Variants in COL1A2 observed in about 807,000 individuals in gnomAD.
COL1A2 encodes collagen type I alpha 2 chain.
A neutral mutation model predicts 174.3 loss-of-function variants in COL1A2; 49 were observed. The observed-to-expected ratio is 0.28, with a 90% CI of 0.22 to 0.36. The LOEUF is 0.36. COL1A2 is among the 10% of genes least tolerant of loss of function. The probability of loss-of-function intolerance (pLI) is 1.00; values close to 1 mark genes in which losing one functional copy is unlikely to be tolerated. For missense variants in COL1A2, 1,438 were observed against 1,822.7 expected, an observed-to-expected ratio of 0.79 and a Z score of 3.84; for synonymous variants, 655 against 606.6, an observed-to-expected ratio of 1.08 and a Z score of -1.17.
rs377163988 is a variant in COL1A2, at chr7:94,428,775, A to G, written c.3711+298A>G. Among the ~76,000 whole-genome samples, 18 of 152,328 alleles carry G rather than the reference A, an allele frequency of 1.2e-4. No individual in the cohort carries two copies. The East Asian group carries it at 2.7e-3, about 23-fold the overall frequency. On this transcript the variant is annotated intron_variant, in intron 50 of 51. Transcript: ENST00000297268. ...CTATATGCCACACTCATACATATGC[A>G]TTTTCAGAATGTGAGCAGCTTTTCT...
chr7:94,395,466 C>G, intron 1 of COL1A2: 1 of 359,600 alleles, frequency 2.8e-6, no homozygotes, highest in Non-Finnish European at 5.4e-6. Flanking sequence ...GGCCCCATAA[C>G]CGCACTGATG....
At position 94,427,324 on chromosome 7, in the gene COL1A2, A is replaced by G. The variant is rs770492647; in HGVS notation, c.3267+29A>G. Reference sequence around the variant, plus strand: ...AGTATGATTTGGGGAAATAATAAAGAAGATCACGGACCTAAGGAATGTTTT... The same window carrying G: ...AGTATGATTTGGGGAAATAATAAAGGAGATCACGGACCTAAGGAATGTTTT... On this transcript the variant is annotated intron_variant, in intron 48 of 51. Coordinates refer to ENST00000297268, the MANE Select transcript of COL1A2 (RefSeq NM_000089.4). The G allele has an allele frequency of 9.6e-6, 15 of 1,563,196 alleles. No individual in the cohort carries two copies. In the South Asian group the frequency reaches 1.5e-4, roughly 16 times the overall value.
rs765748114 is a variant in COL1A2, at chr7:94,427,865, G to A, written c.3506G>A (p.Ser1169Asn). The change falls in exon 49 of 52, where the codon AGC becomes AAC. Residue 1169 changes from serine (S) to asparagine (N), a missense_variant. Physicochemically the swap from Ser to Asn is conservative, Grantham distance 46. Around this residue, in one of 3 missense-constraint regions of COL1A2, gnomAD observed 290 missense variants for 298.1 expected, o/e 0.97. Transcript: ENST00000297268. ...PARTCRDLRLSHPEWSSGYYW... is the reference protein window; with the variant it reads ...PARTCRDLRLNHPEWSSGYYW... ...CGCACATGCCGTGACTTGAGACTCA[G>A]CCACCCAGAGTGGAGCAGTGGTAGG... 2 of 1,614,140 alleles carry A rather than the reference G, an allele frequency of 1.2e-6. No individual in the cohort carries two copies. The highest frequency in any genetic ancestry group is 1.1e-5 in the South Asian group (1 of 91,084).
rs570445206 is a variant in COL1A2 at position 94,401,296 on chromosome 7, C to T, written c.226-271C>T. Among the ~76,000 whole-genome samples, 113 of 152,032 alleles carry T rather than the reference C, an allele frequency of 7.4e-4. 1 individual carries two copies. The highest frequency in any genetic ancestry group is 3.4e-3 in the Middle Eastern group (1 of 294). Reference sequence around the variant, plus strand: ...AGGTAAAAGGTGGGAGTGGAGACACCGAGTTAAGGCAGAGGAAGGGCTCAA... The same window carrying T: ...AGGTAAAAGGTGGGAGTGGAGACACTGAGTTAAGGCAGAGGAAGGGCTCAA... On this transcript the variant is annotated intron_variant, in intron 5 of 51. Coordinates refer to ENST00000297268, the MANE Select transcript of COL1A2 (RefSeq NM_000089.4).
chr7:94,423,226 T>TACTTGAGAGCCTG, intron 40 of COL1A2, 108 bp downstream of exon 40: 1 of 1,327,120 alleles, frequency 7.5e-7, no homozygotes, highest in Non-Finnish European at 1.1e-6. Flanking sequence ...TTGCAGGCTC[T>TACTTGAGAGCCTG]CAAGTAGAGC....
chr7:94,420,085 A>T, intron 34 of COL1A2, 148 bp from the exon 35 acceptor site: 1 of 1,058,256 alleles, frequency 9.4e-7, no homozygotes, highest in African/African-American at 1.6e-5. Context: ...GTAAAAATCC[A>T]CTTCATTTTA....
Position 94,428,289 on chromosome 7 carries a change from A to G in COL1A2, c.3527-4A>G. ...TCATGATCTGAATGTTATTTTCTTA[A>G]AAGGTTACTACTGGATTGACCCTAA... is the stretch of plus-strand genomic sequence containing the variant. On this transcript the variant is annotated splice_region_variant and splice_polypyrimidine_tract_variant and intron_variant, in intron 49 of 51. Transcript: ENST00000297268. 1.9e-6 allele frequency: 3 copies of G among 1,609,866 alleles called. No homozygotes were observed. Among genetic ancestry groups the G allele is most frequent in the Non-Finnish European group, 2.6e-6 (3 of 1,176,164 alleles).
At chr7:94,395,164 C>A (rs182878866) in intron 1 of COL1A2, 63 bp downstream of exon 1, 1 of 1,397,276 alleles carries the variant, frequency 7.2e-7, no homozygotes, top group Non-Finnish European at 1.0e-6. Flanking sequence ...GGGCACCCTG[C>A]CCTGAAAAGG....
chr7:94,395,025 GCTAGACATGCT>G lies in COL1A2; in HGVS notation c.-5_6del. ...ACACAAGGAGTCTGCATGTCTAAGT[GCTAGACATGCT>G]CAGCTTTGTGGATACGCGGACTTTG... is the stretch of plus-strand genomic sequence containing the variant. On this transcript the variant is annotated start_lost and 5_prime_UTR_variant, in exon 1 of 52. Transcript: ENST00000297268. 6.2e-7 allele frequency: 1 copy of G among 1,612,756 alleles called. No individual in the cohort carries two copies.
At chr7:94,425,356 C>G (rs1307892265) in intron 42 of COL1A2, 132 bp downstream of exon 42, 1 of 910,604 alleles carries the variant, frequency 1.1e-6, no homozygotes. Context: ...GTATCTACAC[C>G]TAGTACTGAA....
rs575606141 is a variant in COL1A2 at position 94,410,496 on chromosome 7, C to T, written c.1166C>T (p.Ser389Phe). The T allele has an allele frequency of 3.9e-6, 6 of 1,549,964 alleles. No individual in the cohort carries two copies. In the South Asian group the frequency reaches 4.8e-5, roughly 12 times the overall value. ...AGAGGCCCTAATGGGGAAGCTGGAT[C>T]TGCCGGCCCTCCAGGACCTCCTGGG... The part of the protein sequence containing the change: ...GKRGPNGEAG[S>F]AGPPGPPGLR... Residue 389 changes from serine (S) to phenylalanine (F), a missense_variant, in exon 21 of 52, where the codon TCT becomes TTT. This residue lies in a region of COL1A2 where 867 missense variants were observed against 1,213.7 expected (regional missense o/e 0.71). Coordinates refer to ENST00000297268, the MANE Select transcript of COL1A2 (RefSeq NM_000089.4).
At chr7:94,421,139 T>C (rs1792152317) in intron 38 of COL1A2, 77 bp downstream of exon 38, 1 of 1,487,910 alleles carries the variant, frequency 6.7e-7, no homozygotes, top group Admixed American at 1.7e-5. Flanking sequence ...TTTGAAATTT[T>C]TGGTAAATTT....
chr7:94,424,519 T>C (rs1792235027), intron 41 of COL1A2, 76 bp downstream of exon 41: 2 of 1,270,424 alleles, frequency 1.6e-6, no homozygotes, highest in Admixed American at 1.7e-5. Flanking sequence ...ATGTGACAGA[T>C]TGATCACTGA....
Position 94,400,076 on chromosome 7 carries a change from A to T in COL1A2, c.133-120A>T, listed in dbSNP as rs1791659242. ...AATTTCAATCAATGACAAATATAGT[A>T]TATTAAATTTCCACCCTACTTGCAC... On this transcript the variant is annotated intron_variant, in intron 4 of 51. Coordinates refer to ENST00000297268, the MANE Select transcript of COL1A2 (RefSeq NM_000089.4). 5.6e-5 allele frequency: 49 copies of T among 867,936 alleles called. No homozygotes were observed. The East Asian group carries it at 1.2e-3, about 20-fold the overall frequency. The allele number at this position is 867,936 out of a possible 1,614,324, so 53.8% of individuals were successfully genotyped here.
rs775211068 is a variant in COL1A2 at position 94,409,618 on chromosome 7, C to T, written c.936+10C>T. ...TGCCAAGGGTGCTGCTGTGAGTATACCTGCGTAGCTAAAATGTGCTGCTAT... is the reference window on the plus strand; with the variant it reads ...TGCCAAGGGTGCTGCTGTGAGTATATCTGCGTAGCTAAAATGTGCTGCTAT... On this transcript the variant is annotated intron_variant, in intron 18 of 51. Transcript: ENST00000297268. 1.2e-5 allele frequency: 20 copies of T among 1,614,086 alleles called. 1 individual carries two copies. The South Asian group carries it at 2.1e-4, about 17-fold the overall frequency.
chr7:94,427,485 G>GT, intron 48 of COL1A2, 142 bp from the exon 49 acceptor site: 1 of 1,167,692 alleles, frequency 8.6e-7, no homozygotes. Flanking sequence ...CTGGGGGCTC[G>GT]TTATTTATTT....
At position 94,397,505 on chromosome 7, in the gene COL1A2, TTAA is replaced by T. The variant is rs552376672; in HGVS notation, c.71-238_71-236del. On this transcript the variant is annotated intron_variant, in intron 1 of 51. Coordinates refer to ENST00000297268, the MANE Select transcript of COL1A2 (RefSeq NM_000089.4). Reference sequence around the variant, plus strand: ...ACAACAGTTATAAAATAGTAAATAATTAATAATTTAATTCAAAATACATTTACA... The same window carrying T: ...ACAACAGTTATAAAATAGTAAATAATTAATTTAATTCAAAATACATTTACA... 1.2e-4 allele frequency among the ~76,000 whole-genome samples: 19 copies of T among 152,198 alleles called. No individual in the cohort carries two copies. The South Asian group carries it at 3.3e-3, about 27-fold the overall frequency.
intron 33 of COL1A2, among the ~76,000 whole-genome samples, chr7:94,418,874 A>AAAAT (rs534415743): frequency 1.3e-3 from 203 of 151,818 alleles, no homozygotes; most frequent in African/African-American, 4.6e-3. Flanking sequence ...AACAGAGATT[A>AAAAT]AAATAAATAA....
At position 94,409,318 on chromosome 7, in the gene COL1A2, T is replaced by C; in HGVS notation, c.793-4T>C. ...TAATTCCTTGGTTTAATTTCCTCTT[T>C]TAGGGTGAAATTGGAGCTGTTGGTA... On this transcript the variant is annotated splice_polypyrimidine_tract_variant and splice_region_variant and intron_variant, in intron 16 of 51. Coordinates refer to ENST00000297268, the MANE Select transcript of COL1A2 (RefSeq NM_000089.4). 6.2e-7 allele frequency: 1 copy of C among 1,613,346 alleles called. No homozygotes were observed. Among genetic ancestry groups the C allele is most frequent in the Non-Finnish European group, 8.5e-7 (1 of 1,179,258 alleles).
Sources: gnomAD v4.1 joint callset for allele counts (sites outside exome capture counted in the v4.1 genomes callset) on GRCh38, gnomAD v4.1.1 for gene constraint, gnomAD v4.1.1 regional missense constraint, MANE v1.5 for transcripts, NCBI Gene and HGNC (gene_info 2026-07-23, HGNC 2026-07-21) for gene names.